Variants in MARCHF1 observed in about 807,000 individuals in gnomAD.
The protein encoded by MARCHF1 is E3 ubiquitin-protein ligase MARCHF1.
In MARCHF1, 40 loss-of-function variants were observed where a neutral mutation model predicts 54.2. The ratio of observed to expected loss-of-function variants is 0.74; its 90% CI spans 0.57 to 0.96. MARCHF1 has a LOEUF of 0.96. MARCHF1 is among the 40% of genes least tolerant of loss of function. The probability of loss-of-function intolerance (pLI) is 0.00; values close to 1 mark genes in which losing one functional copy is unlikely to be tolerated. For missense variants in MARCHF1, 586 were observed against 656.5 expected, an observed-to-expected ratio of 0.89 and a Z score of 1.17; for synonymous variants, 236 against 236.3, an observed-to-expected ratio of 1.00 and a Z score of 0.01.
At chr4:163,532,688 A>G (rs77561810) in intron 9 of MARCHF1, among the ~76,000 whole-genome samples, 2,546 of 152,110 alleles carry the variant, frequency 0.017, 64 homozygotes, top group African/African-American at 0.057. Context: ...TTCAATGATA[A>G]GAAAATAACC....
At chr4:164,119,468 C>T (rs1756017084) in intron 1 of MARCHF1, among the ~76,000 whole-genome samples, 1 of 147,234 alleles carries the variant, frequency 6.8e-6, no homozygotes, top group African/African-American at 2.5e-5. Context: ...AATATTAAAT[C>T]AAAAAGCTAG....
chr4:163,776,283 C>T (rs1400212187), intron 4 of MARCHF1, among the ~76,000 whole-genome samples: 8 of 151,844 alleles, frequency 5.3e-5, no homozygotes, highest in Admixed American at 5.3e-4. Context: ...TGTTCAAATC[C>T]AGACCTGCAA....
At chr4:163,780,638 A>G (rs7666722) in intron 4 of MARCHF1, among the ~76,000 whole-genome samples, 126,622 of 152,140 alleles carry the variant, frequency 0.83, 53,709 homozygotes, top group East Asian at 0.95. Flanking sequence ...ACCAGGAATC[A>G]TTGGTTTATT....
chr4:163,935,684 G>A (rs1751777503), intron 3 of MARCHF1, among the ~76,000 whole-genome samples: 1 of 145,760 alleles, frequency 6.9e-6, no homozygotes, highest in Non-Finnish European at 1.5e-5. Context: ...TCAACAACAA[G>A]GCTGTTTTGC....
intron 1 of MARCHF1, among the ~76,000 whole-genome samples, chr4:164,229,324 C>T (rs966047055): frequency 2.6e-5 from 4 of 152,196 alleles, no homozygotes; most frequent in Admixed American, 2.6e-4. Context: ...TGTGTGCTCT[C>T]TCTTTGGATC....
intron 1 of MARCHF1, among the ~76,000 whole-genome samples, chr4:164,155,069 TTGTC>T (rs1730041766): frequency 6.6e-6 from 1 of 152,132 alleles, no homozygotes; most frequent in Admixed American, 6.6e-5. Flanking sequence ...ATTCTGTTGT[TTGTC>T]TGTTCGTCTC....
chr4:163,969,547 G>C (rs539093228), intron 3 of MARCHF1, among the ~76,000 whole-genome samples: 10 of 152,190 alleles, frequency 6.6e-5, no homozygotes, highest in African/African-American at 2.4e-4. Context: ...TAATGTAAAA[G>C]TAAAAATGAT....
intron 1 of MARCHF1, among the ~76,000 whole-genome samples, chr4:164,175,816 A>G (rs1215137159): frequency 2.6e-5 from 4 of 152,104 alleles, no homozygotes; most frequent in Non-Finnish European, 5.9e-5. Flanking sequence ...ATGTGAGCCA[A>G]TTCCTTACAA....
chr4:164,120,106 CTT>C (rs1756034449), intron 1 of MARCHF1, among the ~76,000 whole-genome samples: 1 of 123,014 alleles, frequency 8.1e-6, no homozygotes, highest in East Asian at 2.0e-4. Context: ...TCAAATAGAA[CTT>C]AACTCACACA....
At chr4:164,054,569 T>C (rs1368844541) in intron 2 of MARCHF1, among the ~76,000 whole-genome samples, 1 of 152,000 alleles carries the variant, frequency 6.6e-6, no homozygotes, top group Non-Finnish European at 1.5e-5. Flanking sequence ...ATGTGGCACA[T>C]ATACACCGTG....
At chr4:164,076,169 CAACAAG>C (rs1368465378) in intron 2 of MARCHF1, among the ~76,000 whole-genome samples, 3 of 145,648 alleles carry the variant, frequency 2.1e-5, no homozygotes, top group Non-Finnish European at 4.5e-5. Flanking sequence ...ACAACAACAA[CAACAAG>C]TAGCCCATAA....
chr4:164,364,692 CT>C (rs35911035), intron 1 of MARCHF1, among the ~76,000 whole-genome samples: 2,192 of 144,244 alleles, frequency 0.015, 47 homozygotes, highest in African/African-American at 0.047. Context: ...AACAATTTTC[CT>C]TTTTTTTTTT....
chr4:164,126,985 C>T (rs1347242971), intron 1 of MARCHF1, among the ~76,000 whole-genome samples: 4 of 152,120 alleles, frequency 2.6e-5, no homozygotes, highest in African/African-American at 7.2e-5. Flanking sequence ...ACCCAGGTGA[C>T]GGAGGTTGCA....
At chr4:164,176,519 T>G (rs1349725618) in intron 1 of MARCHF1, among the ~76,000 whole-genome samples, 2 of 152,096 alleles carry the variant, frequency 1.3e-5, no homozygotes, top group Non-Finnish European at 2.9e-5. Context: ...ATCCTAATAT[T>G]TAATTGGCCT....
At chr4:164,039,171 AG>A (rs1754072974) in intron 2 of MARCHF1, among the ~76,000 whole-genome samples, 1 of 152,200 alleles carries the variant, frequency 6.6e-6, no homozygotes, top group South Asian at 2.1e-4. Context: ...AAATGAAAAA[AG>A]CTCTGTATAT....
intron 5 of MARCHF1, among the ~76,000 whole-genome samples, chr4:163,628,120 T>C (rs1046909498): frequency 1.3e-5 from 2 of 152,098 alleles, no homozygotes; most frequent in Non-Finnish European, 2.9e-5. Flanking sequence ...GTTTGAAAGA[T>C]ACTATGAAAG....
At chr4:164,043,451 G>A (rs953791900) in intron 2 of MARCHF1, among the ~76,000 whole-genome samples, 3 of 152,158 alleles carry the variant, frequency 2.0e-5, no homozygotes, top group African/African-American at 7.2e-5. Context: ...GCTGGAGCTG[G>A]AGCAGCTGTG....
chr4:163,724,624 G>A lies in MARCHF1; in HGVS notation c.112-23761C>T, dbSNP rs1054169418. Among the ~76,000 whole-genome samples the A allele has an allele frequency of 4.6e-5, 7 of 152,282 alleles. No homozygotes were observed. In the South Asian group the frequency reaches 8.3e-4, roughly 18 times the overall value. On this transcript the variant is annotated intron_variant, in intron 4 of 9. Transcript: ENST00000514618. Reference sequence around the variant, plus strand: ...CCCTAGAGGTGGAGTCTACAAAGGCGGGCAAGCCTCCTTGAGCTGCAGTGG... The same window carrying A: ...CCCTAGAGGTGGAGTCTACAAAGGCAGGCAAGCCTCCTTGAGCTGCAGTGG...
intron 1 of MARCHF1, among the ~76,000 whole-genome samples, chr4:164,114,007 G>T (rs17675820): frequency 0.045 from 6,860 of 151,876 alleles, 266 homozygotes; most frequent in East Asian, 0.19. Flanking sequence ...TTATAATAGG[G>T]TCAAAAAACA....
Sources: gnomAD v4.1 joint callset for allele counts (sites outside exome capture counted in the v4.1 genomes callset) on GRCh38, gnomAD v4.1.1 for gene constraint, MANE v1.5 for transcripts, NCBI Gene and HGNC (gene_info 2026-07-23, HGNC 2026-07-21) for gene names.